Variants in NCKAP5 observed in about 807,000 individuals in gnomAD.
NCKAP5 encodes nck-associated protein 5.
A neutral mutation model predicts 167.0 loss-of-function variants in NCKAP5; 92 were observed. The ratio of observed to expected loss-of-function variants is 0.55; its 90% CI spans 0.47 to 0.66. The LOEUF is 0.66. Among genes scored for constraint, NCKAP5 ranks in the 30% least tolerant of loss-of-function variants. NCKAP5 has a pLI of 0.00. For synonymous variants in NCKAP5, 891 were observed against 877.4 expected (o/e 1.02, Z -0.27); for missense variants, 2,378 against 2,315.0 (o/e 1.03, Z -0.56).
chr2:133,064,770 C>T (rs1017994685), intron 6 of NCKAP5, among the ~76,000 whole-genome samples: 10 of 152,138 alleles, frequency 6.6e-5, no homozygotes, highest in African/African-American at 9.7e-5. Context: ...CCATATTGTT[C>T]GCAATAGACA....
chr2:133,216,876 T>C (rs2086451432), intron 4 of NCKAP5, among the ~76,000 whole-genome samples: 1 of 152,108 alleles, frequency 6.6e-6, no homozygotes, highest in African/African-American at 2.4e-5. Flanking sequence ...ATCTTACAGA[T>C]GTTACCATTG....
chr2:133,217,137 C>T (rs940856170), intron 4 of NCKAP5, among the ~76,000 whole-genome samples: 2 of 152,012 alleles, frequency 1.3e-5, no homozygotes, highest in East Asian at 1.9e-4. Flanking sequence ...CTATAAGCAA[C>T]GAGTCTTTGG....
chr2:132,775,872 C>T (rs1682503791), intron 15 of NCKAP5, among the ~76,000 whole-genome samples: 2 of 152,284 alleles, frequency 1.3e-5, no homozygotes, highest in South Asian at 4.1e-4. Flanking sequence ...AATAGTATTT[C>T]CTTTGGGTTT....
At chr2:133,377,086 A>G (rs1686197377) in intron 3 of NCKAP5, among the ~76,000 whole-genome samples, 1 of 152,210 alleles carries the variant, frequency 6.6e-6, no homozygotes, top group Admixed American at 6.5e-5. Context: ...ATTCTTACAG[A>G]TGAGTGTCTT....
chr2:133,570,935 A>G (rs1005586528), upstream of NCKAP5, among the ~76,000 whole-genome samples: 3 of 152,184 alleles, frequency 2.0e-5, no homozygotes, highest in African/African-American at 4.8e-5. Flanking sequence ...CCTACCTGCT[A>G]TACTGCCTAC....
intron 2 of NCKAP5, among the ~76,000 whole-genome samples, chr2:133,534,337 T>G (rs1278106381): frequency 6.6e-6 from 1 of 152,228 alleles, no homozygotes; most frequent in Non-Finnish European, 1.5e-5. Context: ...TTTATTGAGG[T>G]ATAACTCATA....
At chr2:133,070,924 C>T (rs1034858549) in intron 6 of NCKAP5, among the ~76,000 whole-genome samples, 3 of 152,042 alleles carry the variant, frequency 2.0e-5, no homozygotes, top group Non-Finnish European at 4.4e-5. Flanking sequence ...TGTGAGTATC[C>T]GATCACAGGA....
intron 11 of NCKAP5, among the ~76,000 whole-genome samples, chr2:132,853,195 GT>G (rs1256291345): frequency 6.6e-6 from 1 of 152,178 alleles, no homozygotes; most frequent in Non-Finnish European, 1.5e-5. Flanking sequence ...GCCTTATTGG[GT>G]TTCCTCAGTG....
chr2:133,476,823 G>A (rs1040881950), intron 3 of NCKAP5, among the ~76,000 whole-genome samples: 2 of 151,918 alleles, frequency 1.3e-5, no homozygotes, highest in East Asian at 1.9e-4. Flanking sequence ...CTGATTTCCC[G>A]GATCCTCTAA....
At chr2:133,558,615 A>G (rs943129283) in intron 2 of NCKAP5, among the ~76,000 whole-genome samples, 2 of 148,462 alleles carry the variant, frequency 1.3e-5, no homozygotes, top group South Asian at 4.4e-4. Context: ...CTACACACAC[A>G]GAAGACCACA....
chr2:133,328,949 T>A (rs1682643329), intron 3 of NCKAP5, among the ~76,000 whole-genome samples: 1 of 152,092 alleles, frequency 6.6e-6, no homozygotes. Context: ...ACTCTTTATG[T>A]GGAAATACCT....
chr2:132,749,690 T>C lies in NCKAP5; in HGVS notation c.5129-17639A>G, dbSNP rs1295372504. Among the ~76,000 whole-genome samples the C allele has an allele frequency of 3.3e-5, 5 of 150,992 alleles. No individual in the cohort carries two copies. The South Asian group carries it at 8.4e-4, about 25-fold the overall frequency. On this transcript the variant is annotated intron_variant, in intron 16 of 19. Transcript: ENST00000409261. ...TTGGTCTTTGAAAGCAAGAGTGTTA[T>C]AAAGGTAGCATTTTTTTTTTTACTT...
intron 6 of NCKAP5, among the ~76,000 whole-genome samples, chr2:133,072,298 A>T (rs527473409): frequency 1.3e-5 from 2 of 151,944 alleles, no homozygotes; most frequent in Admixed American, 6.6e-5. Flanking sequence ...GTTGGCCAGG[A>T]TGGTCTTGAA....
At chr2:133,495,491 C>A (rs1681864634) in intron 3 of NCKAP5, among the ~76,000 whole-genome samples, 1 of 152,204 alleles carries the variant, frequency 6.6e-6, no homozygotes, top group African/African-American at 2.4e-5. Flanking sequence ...AACTGGAAAC[C>A]AGCCATTACC....
the NCKAP5 span, among the ~76,000 whole-genome samples, chr2:133,586,751 TCACACACACACA>T: frequency 0.053 from 7,471 of 140,980 alleles, 459 homozygotes; most frequent in East Asian, 0.32. Context: ...GACAGCAATA[TCACACACACACA>T]CACACACACA....
At chr2:132,703,359 T>A (rs980294158) in intron 19 of NCKAP5, among the ~76,000 whole-genome samples, 4 of 152,212 alleles carry the variant, frequency 2.6e-5, no homozygotes, top group Admixed American at 1.3e-4. Context: ...TGGAAATTCT[T>A]TTTTGGAAAT....
At chr2:133,097,973 C>T (rs2081394187) in intron 6 of NCKAP5, among the ~76,000 whole-genome samples, 1 of 152,162 alleles carries the variant, frequency 6.6e-6, no homozygotes, top group Non-Finnish European at 1.5e-5. Context: ...TGATGGCAGG[C>T]ACCTGAAAAG....
chr2:133,031,533 G>A (rs2078879179), intron 6 of NCKAP5, among the ~76,000 whole-genome samples: 2 of 152,158 alleles, frequency 1.3e-5, no homozygotes, highest in African/African-American at 2.4e-5. Flanking sequence ...GGGCCATAAG[G>A]ATTGCAACTT....
chr2:133,354,254 C>CTTTT (rs57923596), intron 3 of NCKAP5, among the ~76,000 whole-genome samples: 2,541 of 142,768 alleles, frequency 0.018, 72 homozygotes, highest in African/African-American at 0.063. Flanking sequence ...GATTAGTTCT[C>CTTTT]TTTTTTTTTT....
Sources: gnomAD v4.1 joint callset for allele counts (sites outside exome capture counted in the v4.1 genomes callset) on GRCh38, gnomAD v4.1.1 for gene constraint, MANE v1.5 for transcripts, NCBI Gene and HGNC (gene_info 2026-07-23, HGNC 2026-07-21) for gene names.